CADM2: variants seen among roughly 807,000 people sequenced by gnomAD.
The protein encoded by CADM2 is cell adhesion molecule 2.
Under a neutral mutation model 49.8 loss-of-function variants are expected in CADM2, and 12 were observed. The observed-to-expected ratio is 0.24, with a 90% CI of 0.15 to 0.39. The LOEUF (loss-of-function observed/expected upper bound fraction) is 0.39. CADM2 is among the 10% of genes least tolerant of loss of function. The probability of loss-of-function intolerance (pLI) is 1.00; values close to 1 mark genes in which losing one functional copy is unlikely to be tolerated. For missense variants in CADM2, 378 were observed against 492.3 expected, an observed-to-expected ratio of 0.77 and a Z score of 2.20; for synonymous variants, 214 against 175.4, an observed-to-expected ratio of 1.22 and a Z score of -1.74.
At chr3:85,707,760 TTAAGTA>T (rs2066995869) in intron 1 of CADM2, among the ~76,000 whole-genome samples, 1 of 152,160 alleles carries the variant, frequency 6.6e-6, no homozygotes, top group Non-Finnish European at 1.5e-5. Flanking sequence ...ATTTGCCTTT[TTAAGTA>T]TAAGATTTCC....
At chr3:85,782,770 T>C (rs1371942184) in intron 2 of CADM2, among the ~76,000 whole-genome samples, 2 of 151,894 alleles carry the variant, frequency 1.3e-5, no homozygotes, top group Non-Finnish European at 2.9e-5. Context: ...TTAGAAACAA[T>C]ACAGAACTTT....
At chr3:85,681,437 A>G (rs1343304643) in intron 1 of CADM2, among the ~76,000 whole-genome samples, 1 of 152,164 alleles carries the variant, frequency 6.6e-6, no homozygotes, top group Non-Finnish European at 1.5e-5. Flanking sequence ...TTTTCCATCT[A>G]TAACAAAATT....
At chr3:85,278,706 C>T (rs2043418805) in intron 1 of CADM2, among the ~76,000 whole-genome samples, 2 of 138,116 alleles carry the variant, frequency 1.4e-5, no homozygotes, top group Non-Finnish European at 1.6e-5. Flanking sequence ...AATGTTCTCA[C>T]TGCTGATGTT....
At position 86,070,470 on chromosome 3, in the gene CADM2, A is replaced by T. The variant is rs1447403019; in HGVS notation, c.*3687A>T. 6.6e-6 allele frequency: 1 copy of T among 151,970 alleles called. No homozygotes were observed. Among genetic ancestry groups the T allele is most frequent in the Non-Finnish European group, 1.5e-5 (1 of 67,868 alleles). 9.4% of individuals were successfully genotyped at this position (151,970 alleles called of 1,614,324 possible). ...TGGACATCAAGGTAATTTAGTGGAC[A>T]ACAAATATTAAATTTTACATTATGC... On this transcript the variant is annotated 3_prime_UTR_variant, in exon 10 of 10. Transcript: ENST00000383699.
chr3:85,151,603 C>T (rs750096945), intron 1 of CADM2, among the ~76,000 whole-genome samples: 1 of 152,158 alleles, frequency 6.6e-6, no homozygotes, highest in Non-Finnish European at 1.5e-5. Flanking sequence ...TATCTTCATT[C>T]TAAAAATCCA....
In CADM2 at chr3:85,952,450, T is replaced by C. The variant is rs114752521; in HGVS notation, c.792-9019T>C. Reference sequence around the variant, plus strand: ...TTCTGCCCTCTTCCCTGATTTCTAATTATTTATTTAATTAATTGCTGGATC... The same window carrying C: ...TTCTGCCCTCTTCCCTGATTTCTAACTATTTATTTAATTAATTGCTGGATC... On this transcript the variant is annotated intron_variant, in intron 7 of 9. Coordinates refer to ENST00000383699, the MANE Select transcript of CADM2 (RefSeq NM_001167675.2). 4.7e-3 allele frequency among the ~76,000 whole-genome samples: 708 copies of C among 151,234 alleles called. 2 individuals are homozygous for C. The highest frequency in any genetic ancestry group is 8.4e-3 in the Admixed American group (126 of 15,082).
intron 1 of CADM2, among the ~76,000 whole-genome samples, chr3:85,444,104 C>A (rs534762020): frequency 9.2e-5 from 14 of 152,206 alleles, no homozygotes; most frequent in Admixed American, 9.2e-4. Flanking sequence ...ATCTTATTGG[C>A]TCTGCTTTAA....
intron 1 of CADM2, among the ~76,000 whole-genome samples, chr3:85,682,868 T>C (rs930977769): frequency 6.6e-6 from 1 of 152,082 alleles, no homozygotes; most frequent in African/African-American, 2.4e-5. Context: ...TTTATTTTTG[T>C]AATTTTCACA....
chr3:84,988,181 A>AAG (rs1179686144), intron 1 of CADM2, among the ~76,000 whole-genome samples: 3 of 150,842 alleles, frequency 2.0e-5, no homozygotes, highest in African/African-American at 7.2e-5. Flanking sequence ...CTGGGAAACA[A>AAG]AGAGAGAGGG....
chr3:85,765,530 C>T (rs767683666), intron 2 of CADM2, among the ~76,000 whole-genome samples: 1 of 152,000 alleles, frequency 6.6e-6, no homozygotes, highest in Non-Finnish European at 1.5e-5. Context: ...ATTCAGATGT[C>T]ATAGTATCTC....
intron 1 of CADM2, among the ~76,000 whole-genome samples, chr3:85,661,324 G>A (rs978363647): frequency 3.3e-5 from 5 of 151,886 alleles, no homozygotes; most frequent in Non-Finnish European, 7.4e-5. Context: ...TAGATCTGGG[G>A]AATGCTATCT....
intron 8 of CADM2, among the ~76,000 whole-genome samples, chr3:85,967,467 A>G (rs919534265): frequency 9.9e-5 from 15 of 151,694 alleles, no homozygotes; most frequent in African/African-American, 3.6e-4. Context: ...TCATTAAGCA[A>G]CAGATTAGGA....
rs1405442904 is a variant in CADM2 at position 86,068,975 on chromosome 3, A to T, written c.*2192A>T. ...AAACTGTTCATATCTTTCAATGCAT[A>T]ATCTTTAGAAAGACTCCACAAAGCA... On this transcript the variant is annotated 3_prime_UTR_variant, in exon 10 of 10. Coordinates refer to ENST00000383699, the MANE Select transcript of CADM2 (RefSeq NM_001167675.2). The T allele has an allele frequency of 1.3e-5, 2 of 151,992 alleles. No individual in the cohort carries two copies. The highest frequency in any genetic ancestry group is 2.4e-5 in the African/African-American group (1 of 41,432). The allele number at this position is 151,992 out of a possible 1,614,324, so 9.4% of individuals were successfully genotyped here. A position where few individuals can be genotyped will look rare whatever the true frequency, so the allele number is the denominator to read the frequency against.
chr3:84,962,464 C>T (rs1005510396), intron 1 of CADM2, among the ~76,000 whole-genome samples: 5 of 152,012 alleles, frequency 3.3e-5, no homozygotes, highest in African/African-American at 4.8e-5. Flanking sequence ...AACATTGTTT[C>T]GGGGTTCAGA....
intron 8 of CADM2, among the ~76,000 whole-genome samples, chr3:86,055,034 A>G (rs1737757076): frequency 6.6e-6 from 1 of 152,222 alleles, no homozygotes; most frequent in South Asian, 2.1e-4. Context: ...AATAAAAAGC[A>G]GCAATTTATA....
Position 85,305,227 on chromosome 3 carries a change from A to G in CADM2, c.61+345559A>G, listed in dbSNP as rs190351092. Among the ~76,000 whole-genome samples, 48 of 151,748 alleles carry G rather than the reference A, an allele frequency of 3.2e-4. No homozygotes were observed. In the South Asian group the frequency reaches 4.8e-3, roughly 15 times the overall value. On this transcript the variant is annotated intron_variant, in intron 1 of 9. Coordinates refer to ENST00000383699, the MANE Select transcript of CADM2 (RefSeq NM_001167675.2). ...TTAATGAATTTTCCTTTTAAATAAG[A>G]CATCATGAGATTATTTAGTTTCCTT... is the stretch of plus-strand genomic sequence containing the variant.
chr3:85,932,182 G>T (rs1266926872), intron 6 of CADM2, among the ~76,000 whole-genome samples: 1 of 151,916 alleles, frequency 6.6e-6, no homozygotes, highest in Admixed American at 6.6e-5. Flanking sequence ...AAGAGTTCAT[G>T]GGTAATTGAT....
intron 1 of CADM2, among the ~76,000 whole-genome samples, chr3:85,031,171 G>T (rs1010963082): frequency 6.6e-6 from 1 of 152,076 alleles, no homozygotes; most frequent in Admixed American, 6.5e-5. Context: ...GTGAAGCGAC[G>T]GCCATAAACA....
chr3:85,870,145 C>T (rs1309099481), intron 3 of CADM2, among the ~76,000 whole-genome samples: 5 of 152,106 alleles, frequency 3.3e-5, no homozygotes, highest in African/African-American at 1.2e-4. Context: ...TTGGTATTTT[C>T]TGCTTGGTAA....
Sources: allele counts gnomAD v4.1 joint callset (sites outside exome capture counted in the v4.1 genomes callset), GRCh38; gene constraint gnomAD v4.1.1; transcripts MANE v1.5; gene names NCBI Gene and HGNC (gene_info 2026-07-23, HGNC 2026-07-21).